Variants in FHIT observed in about 807,000 individuals in gnomAD.
FHIT encodes bis(5'-adenosyl)-triphosphatase.
A neutral mutation model predicts 17.9 loss-of-function variants in FHIT; 19 were observed. The ratio of observed to expected loss-of-function variants is 1.06; its 90% CI spans 0.74 to 1.56. The LOEUF (loss-of-function observed/expected upper bound fraction) is 1.56, where lower values mean the gene tolerates loss of function less well. Ranked by LOEUF, FHIT falls within the 40% of genes most tolerant of loss-of-function variation. The probability of loss-of-function intolerance (pLI) is 0.00; values close to 1 mark genes in which losing one functional copy is unlikely to be tolerated. For missense variants in FHIT, 248 were observed against 189.2 expected, an observed-to-expected ratio of 1.31 and a Z score of -1.82; for synonymous variants, 81 against 69.7, an observed-to-expected ratio of 1.16 and a Z score of -0.81.
chr3:60,967,061 A>T (rs755002064), intron 3 of FHIT, among the ~76,000 whole-genome samples: 95 of 152,190 alleles, frequency 6.2e-4, no homozygotes, highest in Non-Finnish European at 6.9e-4. Flanking sequence ...TTAAATCTAT[A>T]TTTGATGTTA....
At chr3:60,440,367 A>T (rs1210110892) in intron 5 of FHIT, among the ~76,000 whole-genome samples, 1 of 152,112 alleles carries the variant, frequency 6.6e-6, no homozygotes, top group African/African-American at 2.4e-5. Context: ...TATATAAATG[A>T]AATCATTTAC....
At chr3:59,759,389 G>A (rs1701386505) in intron 8 of FHIT, among the ~76,000 whole-genome samples, 1 of 152,278 alleles carries the variant, frequency 6.6e-6, no homozygotes, top group African/African-American at 2.4e-5. Flanking sequence ...GAAAGTTTGG[G>A]AGAGGGGGCT....
intron 5 of FHIT, among the ~76,000 whole-genome samples, chr3:60,023,710 T>C (rs925572979): frequency 2.0e-5 from 3 of 152,194 alleles, no homozygotes; most frequent in Non-Finnish European, 4.4e-5. Context: ...ATTTAGCAGA[T>C]GAAGCCTCCT....
chr3:60,704,736 G>A (rs895734500), intron 4 of FHIT, among the ~76,000 whole-genome samples: 3 of 151,920 alleles, frequency 2.0e-5, no homozygotes, highest in Non-Finnish European at 2.9e-5. Context: ...ATTCTGTCAG[G>A]GTCATACCTT....
chr3:60,035,839 G>C (rs1368150639), intron 5 of FHIT, among the ~76,000 whole-genome samples: 1 of 152,092 alleles, frequency 6.6e-6, no homozygotes. Context: ...AATATCTTTT[G>C]ACTTTCTATC....
At chr3:60,115,050 CTT>C (rs1704894065) in intron 5 of FHIT, among the ~76,000 whole-genome samples, 1 of 151,794 alleles carries the variant, frequency 6.6e-6, no homozygotes, top group African/African-American at 2.4e-5. Context: ...TAATCACATG[CTT>C]ATTAATAAAA....
intron 5 of FHIT, among the ~76,000 whole-genome samples, chr3:60,297,169 T>C (rs1039098860): frequency 6.6e-6 from 1 of 152,096 alleles, no homozygotes; most frequent in African/African-American, 2.4e-5. Context: ...CTTGTCTATA[T>C]CTACTAAAAA....
chr3:61,023,772 G>A (rs1327625162), intron 3 of FHIT, among the ~76,000 whole-genome samples: 2 of 152,152 alleles, frequency 1.3e-5, no homozygotes, highest in Non-Finnish European at 2.9e-5. Context: ...TTAATAAATG[G>A]TGTTGGGAAA....
At chr3:60,059,264 G>A (rs557910445) in intron 5 of FHIT, among the ~76,000 whole-genome samples, 1 of 152,288 alleles carries the variant, frequency 6.6e-6, no homozygotes, top group Admixed American at 6.5e-5. Flanking sequence ...CGCATTAAGA[G>A]ACAAAATGGC....
chr3:61,192,022 G>A (rs981493605), intron 2 of FHIT, among the ~76,000 whole-genome samples: 17 of 152,070 alleles, frequency 1.1e-4, no homozygotes, highest in Admixed American at 6.6e-5. Flanking sequence ...TTTAAAAAGG[G>A]ACATATAAGA....
At chr3:60,273,007 T>C (rs1216009257) in intron 5 of FHIT, among the ~76,000 whole-genome samples, 2 of 152,242 alleles carry the variant, frequency 1.3e-5, no homozygotes, top group Non-Finnish European at 2.9e-5. Context: ...CTGCTCACTG[T>C]TTCTCTAACA....
chr3:60,647,004 C>T (rs1553686920), intron 4 of FHIT, among the ~76,000 whole-genome samples: 1 of 152,152 alleles, frequency 6.6e-6, no homozygotes, highest in Non-Finnish European at 1.5e-5. Context: ...AGAAGTGGTC[C>T]TACATACAGC....
intron 5 of FHIT, among the ~76,000 whole-genome samples, chr3:60,063,676 C>T (rs1205255328): frequency 6.6e-6 from 1 of 152,204 alleles, no homozygotes; most frequent in Non-Finnish European, 1.5e-5. Flanking sequence ...TTGGCAATCT[C>T]TTAGCAAAAT....
chr3:61,180,293 G>C (rs2038298534), intron 2 of FHIT, among the ~76,000 whole-genome samples: 2 of 152,208 alleles, frequency 1.3e-5, no homozygotes, highest in South Asian at 2.1e-4. Context: ...AAGTGATTTA[G>C]AGCAATGTGG....
intron 2 of FHIT, among the ~76,000 whole-genome samples, chr3:61,101,585 A>G (rs1576015097): frequency 6.6e-6 from 1 of 152,068 alleles, no homozygotes; most frequent in East Asian, 1.9e-4. Flanking sequence ...TTCCAATTCT[A>G]TGAAGAAAGT....
At chr3:60,252,745 C>T (rs1705781821) in intron 5 of FHIT, among the ~76,000 whole-genome samples, 1 of 151,922 alleles carries the variant, frequency 6.6e-6, no homozygotes, top group Admixed American at 6.6e-5. Flanking sequence ...AATCCCAGCA[C>T]TTTGGGAGGC....
chr3:61,003,696 A>T (rs1327286580), intron 3 of FHIT, among the ~76,000 whole-genome samples: 10 of 152,262 alleles, frequency 6.6e-5, no homozygotes, highest in African/African-American at 2.4e-4. Flanking sequence ...CAATTTTAAT[A>T]GGTAAAAAAG....
At chr3:59,881,406 T>C (rs1174142693) in intron 8 of FHIT, among the ~76,000 whole-genome samples, 10 of 152,186 alleles carry the variant, frequency 6.6e-5, no homozygotes. Context: ...GTACGGGCAA[T>C]AGCTCATTAC....
intron 5 of FHIT, among the ~76,000 whole-genome samples, chr3:60,469,404 T>A (rs956303978): frequency 2.0e-5 from 3 of 152,352 alleles, no homozygotes; most frequent in South Asian, 4.1e-4. Flanking sequence ...TCAAGCTCAC[T>A]AATTCTTTGT....
Sources: gnomAD v4.1 joint callset for allele counts (sites outside exome capture counted in the v4.1 genomes callset) on GRCh38, gnomAD v4.1.1 for gene constraint, MANE v1.5 for transcripts, NCBI Gene and HGNC (gene_info 2026-07-23, HGNC 2026-07-21) for gene names.